The following PFKL variants were observed in gnomAD, a reference collection of about 807,000 sequenced individuals.
PFKL encodes the protein phosphofructokinase, liver type.
A neutral mutation model predicts 92.1 loss-of-function variants in PFKL; 74 were observed. The ratio of observed to expected loss-of-function variants is 0.80; its 90% CI spans 0.67 to 0.97. The LOEUF (loss-of-function observed/expected upper bound fraction) is 0.97. Among genes scored for constraint, PFKL ranks in the 50% least tolerant of loss-of-function variants. The pLI is 0.00. For missense variants in PFKL, 1,028 were observed against 1,116.6 expected (o/e 0.92, Z 1.13); for synonymous variants, 494 against 456.4 (o/e 1.08, Z -1.05).
intron 2 of PFKL, 102 bp downstream of exon 2, chr21:44,306,856 T>A: frequency 9.5e-7 from 1 of 1,052,062 alleles, no homozygotes; most frequent in Non-Finnish European, 1.4e-6. Flanking sequence ...GGGGTGGTCC[T>A]GGCCTGGAGG....
rs553367458 is a variant in PFKL at position 44,313,267 on chromosome 21, G to A, written c.593+124G>A. The A allele has an allele frequency of 2.0e-5, 22 of 1,074,132 alleles. No homozygotes were observed. The East Asian group carries it at 4.0e-4, about 20-fold the overall frequency. The allele number at this position is 1,074,132 out of a possible 1,614,324, so 66.5% of individuals were successfully genotyped here. Reference sequence around the variant, plus strand: ...TCTGGTAGCCCCAGCATCCAGGCCAGCCGCCCTCAGCCCCCAGCTGGGGGA... The same window carrying A: ...TCTGGTAGCCCCAGCATCCAGGCCAACCGCCCTCAGCCCCCAGCTGGGGGA... On this transcript the variant is annotated intron_variant, in intron 5 of 21. Transcript: ENST00000349048.
chr21:44,305,334 A>T, intron 1 of PFKL: 1 of 1,366,002 alleles, frequency 7.3e-7, no homozygotes, highest in Non-Finnish European at 9.8e-7. Flanking sequence ...AAGCATGTGT[A>T]ACCAGGGTAG....
chr21:44,318,467 C>T lies in PFKL; in HGVS notation c.937-3C>T, dbSNP rs752648152. 1.3e-6 allele frequency: 2 copies of T among 1,531,700 alleles called. No homozygotes were observed. Among genetic ancestry groups the T allele is most frequent in the Admixed American group, 1.9e-5 (1 of 53,928 alleles). The allele number at this position is 1,531,700 out of a possible 1,614,324, so 94.9% of individuals were successfully genotyped here. ...GTGTGCCAGCCTGAACCCTTCCCCA[C>T]AGAGCAGCAAGATGGGCATGGAGGC... On this transcript the variant is annotated splice_region_variant and splice_polypyrimidine_tract_variant and intron_variant, in intron 9 of 21. Transcript: ENST00000349048.
intron 2 of PFKL, among the ~76,000 whole-genome samples, chr21:44,309,604 T>C (rs1178737520): frequency 6.6e-6 from 1 of 152,116 alleles, no homozygotes; most frequent in Non-Finnish European, 1.5e-5. Context: ...CTCCGCCCAG[T>C]GGGGCAGGGG....
rs1488145514 is a variant in PFKL at position 44,323,866 on chromosome 21, C to T, written c.1598C>T (p.Pro533Leu). ...CCAGCCACCATCAGCAACAACGTCC[C>T]TGGCACCGACTTCAGCCTGGGCTCC... ...VIPATISNNV[P>L]GTDFSLGSDT... The change falls in exon 16 of 22, where the codon CCT becomes CTT. Residue 533 changes from proline (P) to leucine (L), a missense_variant. Transcript: ENST00000349048. 2 of 1,613,464 alleles carry T rather than the reference C, an allele frequency of 1.2e-6. No individual in the cohort carries two copies. Among genetic ancestry groups the T allele is most frequent in the South Asian group, 1.1e-5 (1 of 91,090 alleles).
intron 2 of PFKL, among the ~76,000 whole-genome samples, chr21:44,310,451 G>A (rs1227269866): frequency 6.6e-6 from 1 of 152,166 alleles, no homozygotes; most frequent in African/African-American, 2.4e-5. Flanking sequence ...GGGCCCGCCT[G>A]TAGGGAGGTG....
At position 44,321,912 on chromosome 21, in the gene PFKL, C is replaced by A. The variant is rs200853088; in HGVS notation, c.1338+37C>A. On this transcript the variant is annotated intron_variant, in intron 13 of 21. Coordinates refer to ENST00000349048, the MANE Select transcript of PFKL (RefSeq NM_002626.6). ...CGGGGCAAACAAGTGAGGACTTGGGCCTTCTGTGTGCACACTTGGGGCATT... is the reference window on the plus strand; with the variant it reads ...CGGGGCAAACAAGTGAGGACTTGGGACTTCTGTGTGCACACTTGGGGCATT... The A allele has an allele frequency of 2.6e-6, 4 of 1,513,504 alleles. No individual in the cohort carries two copies. The East Asian group carries it at 9.2e-5, about 35-fold the overall frequency. The allele number at this position is 1,513,504 out of a possible 1,614,324, so 93.8% of individuals were successfully genotyped here. A position where few individuals can be genotyped will look rare whatever the true frequency, so the allele number is the denominator to read the frequency against.
chr21:44,323,132 C>A, intron 15 of PFKL, 83 bp downstream of exon 15: 2 of 1,194,522 alleles, frequency 1.7e-6, no homozygotes, highest in Non-Finnish European at 2.5e-6. Context: ...ATCCTGAAAA[C>A]CCGTGTGCTG....
intron 2 of PFKL, among the ~76,000 whole-genome samples, chr21:44,309,746 G>C (rs2041061255): frequency 6.6e-6 from 1 of 152,212 alleles, no homozygotes; most frequent in Non-Finnish European, 1.5e-5. Context: ...GCTCAGGGCT[G>C]GTACAACCAG....
chr21:44,322,520 C>G (rs573727793), intron 14 of PFKL, among the ~76,000 whole-genome samples: 147 of 152,342 alleles, frequency 9.6e-4, no homozygotes, highest in African/African-American at 3.2e-3. Flanking sequence ...GGCTATGGGC[C>G]TGTCTGATGG....
intron 1 of PFKL, among the ~76,000 whole-genome samples, chr21:44,303,075 A>T (rs373296210): frequency 9.8e-4 from 149 of 152,228 alleles, no homozygotes; most frequent in African/African-American, 3.5e-3. Flanking sequence ...TCTACTAAAA[A>T]TACAAAAAAT....
At chr21:44,316,550 G>A (rs201894164) in intron 9 of PFKL, 26 bp downstream of exon 9, 47 of 1,538,546 alleles carry the variant, frequency 3.1e-5, no homozygotes, top group Middle Eastern at 2.2e-4. Context: ...CCTGCCCTGC[G>A]TACGTGCGTG....
intron 13 of PFKL, 65 bp from the exon 14 acceptor site, chr21:44,322,068 C>A: frequency 6.5e-7 from 1 of 1,536,264 alleles, no homozygotes; most frequent in South Asian, 1.2e-5. Flanking sequence ...GGGCACAGGC[C>A]CACCCCTGGG....
chr21:44,326,619 CT>C, intron 21 of PFKL, 95 bp from the exon 22 acceptor site: 2 of 1,317,446 alleles, frequency 1.5e-6, no homozygotes, highest in Non-Finnish European at 2.0e-6. Context: ...CATGCACAGG[CT>C]GCAGGGTCGG....
chr21:44,303,994 CAG>C (rs1205753768), intron 1 of PFKL, among the ~76,000 whole-genome samples: 42 of 149,540 alleles, frequency 2.8e-4, no homozygotes, highest in African/African-American at 1.0e-3. Flanking sequence ...ATGAGGTTAA[CAG>C]AGAAAATTTC....
At chr21:44,306,099 T>C (rs1000998139) in intron 1 of PFKL, among the ~76,000 whole-genome samples, 2 of 152,238 alleles carry the variant, frequency 1.3e-5, no homozygotes, top group Non-Finnish European at 1.5e-5. Context: ...GGCTTCTCCA[T>C]CCCCACGCCG....
At chr21:44,316,026 T>C in intron 7 of PFKL, 1 of 577,054 alleles carries the variant, frequency 1.7e-6, no homozygotes, top group Admixed American at 3.0e-5. Context: ...CAGAGCCCTC[T>C]TGTTCACCGC....
At chr21:44,322,434 C>T (rs1449030361) in intron 14 of PFKL, among the ~76,000 whole-genome samples, 3 of 152,310 alleles carry the variant, frequency 2.0e-5, no homozygotes, top group East Asian at 1.9e-4. Context: ...GTGGGCTCTC[C>T]GTGGCAAGGA....
intron 1 of PFKL, among the ~76,000 whole-genome samples, chr21:44,303,146 A>G (rs1327062695): frequency 6.6e-6 from 1 of 152,052 alleles, no homozygotes; most frequent in East Asian, 1.9e-4. Context: ...AGGCAGGAGA[A>G]TCGCTTGAAC....
Sources: allele counts gnomAD v4.1 joint callset (sites outside exome capture counted in the v4.1 genomes callset), GRCh38; gene constraint gnomAD v4.1.1; transcripts MANE v1.5; gene names NCBI Gene and HGNC (gene_info 2026-07-23, HGNC 2026-07-21).